The following ENOX2 variants were observed in gnomAD, a reference collection of about 807,000 sequenced individuals.
ENOX2 encodes the protein APK1 antigen.
A neutral mutation model predicts 45.0 loss-of-function variants in ENOX2; 36 were observed. That is an observed-to-expected ratio of 0.80 (90% CI 0.61 to 1.06). The LOEUF is 1.06. ENOX2 is among the 50% of genes least tolerant of loss of function. The probability of loss-of-function intolerance (pLI) is 0.00; values close to 1 mark genes in which losing one functional copy is unlikely to be tolerated. For synonymous variants in ENOX2, 174 were observed against 152.3 expected (o/e 1.14, Z -1.05); for missense variants, 423 against 462.5 (o/e 0.91, Z 0.78).
At chrX:130,714,349 C>T (rs914401568) in intron 3 of ENOX2, among the ~76,000 whole-genome samples, 1 of 111,866 alleles carries the variant, frequency 8.9e-6, no homozygotes, top group Non-Finnish European at 1.9e-5. Context: ...TGTCAAAGTA[C>T]GTTCCAACCA....
At chrX:130,896,583 G>C (rs1362399119) in intron 2 of ENOX2, among the ~76,000 whole-genome samples, 2 of 111,827 alleles carry the variant, frequency 1.8e-5, no homozygotes, top group African/African-American at 6.5e-5. Flanking sequence ...GTGCCTAACG[G>C]AGTGCTTTCA....
chrX:130,855,533 C>T (rs1348955203), intron 2 of ENOX2, among the ~76,000 whole-genome samples: 1 of 111,252 alleles, frequency 9.0e-6, no homozygotes. Flanking sequence ...TGGTTAAATG[C>T]AATATCCATC....
At chrX:130,702,970 C>T in intron 4 of ENOX2, 150 bp downstream of exon 4, 1 of 554,218 alleles carries the variant, frequency 1.8e-6, no homozygotes, top group Admixed American at 4.0e-5. Flanking sequence ...CTACTGGCCA[C>T]CCAGACTATA....
At position 130,847,204 on chromosome X, in the gene ENOX2, C is replaced by T. The variant is rs150458021; in HGVS notation, c.-183+54480G>A. ...TTTTTTTTTTTACACTATATTTAAG[C>T]ATTGGTCAGATATACTTAAGACCTA... On this transcript the variant is annotated intron_variant, in intron 2 of 14. Coordinates refer to ENST00000394363, the MANE Select transcript of ENOX2 (RefSeq NM_006375.4). 9.2e-3 allele frequency among the ~76,000 whole-genome samples: 1,005 copies of T among 109,344 alleles called. 12 individuals carry two copies. The highest frequency in any genetic ancestry group is 0.031 in the African/African-American group (946 of 30,074). The allele number at this position is 109,344 out of a possible 115,157, so 95.0% of individuals were successfully genotyped here.
At chrX:130,790,380 C>A (rs2077025603) in intron 2 of ENOX2, among the ~76,000 whole-genome samples, 1 of 112,091 alleles carries the variant, frequency 8.9e-6, no homozygotes. Flanking sequence ...TAAAGTCTCT[C>A]ATAAAAAGGC....
Position 130,703,243 on chromosome X carries a change from T to C in ENOX2, c.-27A>G, listed in dbSNP as rs757143122. On this transcript the variant is annotated 5_prime_UTR_variant, in exon 4 of 15. Transcript: ENST00000394363. Reference sequence around the variant, plus strand: ...GCAGTGGAATCCACGTTCAGAGTTCTACTGTTATCGGCTGAAAAGAAATGA... The same window carrying C: ...GCAGTGGAATCCACGTTCAGAGTTCCACTGTTATCGGCTGAAAAGAAATGA... 13 of 1,194,042 alleles carry C rather than the reference T, an allele frequency of 1.1e-5. No individual in the cohort carries two copies. The highest frequency in any genetic ancestry group is 1.5e-5 in the Non-Finnish European group (13 of 887,464).
chrX:130,715,724 T>C (rs1017700743), intron 3 of ENOX2, among the ~76,000 whole-genome samples: 2 of 111,583 alleles, frequency 1.8e-5, no homozygotes, highest in African/African-American at 6.5e-5. Context: ...ATCATAATCT[T>C]TGGATTAGAT....
At chrX:130,626,259 C>G (rs990764315) in intron 14 of ENOX2, among the ~76,000 whole-genome samples, 4 of 112,299 alleles carry the variant, frequency 3.6e-5, no homozygotes, top group Non-Finnish European at 7.5e-5. Context: ...GTTATGCCTT[C>G]TTCCCAGTGC....
chrX:130,632,428 A>C, intron 12 of ENOX2, among the ~76,000 whole-genome samples: 1 of 106,665 alleles, frequency 9.4e-6, no homozygotes, highest in African/African-American at 3.4e-5. Context: ...CAAACTGAAA[A>C]ATACCTCCAG....
At chrX:130,804,363 T>C (rs2148436172) in intron 2 of ENOX2, among the ~76,000 whole-genome samples, 1 of 112,121 alleles carries the variant, frequency 8.9e-6, no homozygotes, top group African/African-American at 3.2e-5. Context: ...CAAGAAGTGA[T>C]GTCTAAACTT....
intron 2 of ENOX2, among the ~76,000 whole-genome samples, chrX:130,823,920 C>A (rs939646192): frequency 8.9e-6 from 1 of 112,207 alleles, no homozygotes; most frequent in African/African-American, 3.2e-5. Flanking sequence ...CTTAAAAAAT[C>A]TGCATGATCT....
intron 2 of ENOX2, among the ~76,000 whole-genome samples, chrX:130,859,366 CA>C (rs368105953): frequency 1.8e-5 from 2 of 110,985 alleles, no homozygotes; most frequent in African/African-American, 6.5e-5. Flanking sequence ...AACAAAAAAA[CA>C]AAAAAAATCC....
chrX:130,729,617 A>G (rs1333929107), intron 3 of ENOX2, among the ~76,000 whole-genome samples: 1 of 112,093 alleles, frequency 8.9e-6, no homozygotes, highest in Non-Finnish European at 1.9e-5. Context: ...TAATATGGAA[A>G]CGTAAATTTC....
In ENOX2 at chrX:130,764,433, A is replaced by T. The variant is rs1409308661; in HGVS notation, c.-39+19114T>A. Among the ~76,000 whole-genome samples the T allele has an allele frequency of 2.7e-5, 3 of 110,793 alleles. No individual in the cohort carries two copies. The Admixed American group carries it at 2.9e-4, about 11-fold the overall frequency. The stretch of plus-strand genomic sequence containing the variant: ...CACAAAAGAACACTGAGATCCGATA[A>T]CCACCTCCAAGTCATTTTTTCTCCA... On this transcript the variant is annotated intron_variant, in intron 3 of 14. Transcript: ENST00000394363.
At chrX:130,773,327 T>A (rs1454281702) in intron 3 of ENOX2, among the ~76,000 whole-genome samples, 2 of 111,960 alleles carry the variant, frequency 1.8e-5, no homozygotes, top group African/African-American at 6.5e-5. Context: ...CACGTGCTCT[T>A]AACAACTGTT....
intron 2 of ENOX2, among the ~76,000 whole-genome samples, chrX:130,846,415 G>A (rs1045517447): frequency 1.4e-4 from 15 of 107,598 alleles, no homozygotes; most frequent in Non-Finnish European, 2.3e-4. Flanking sequence ...TCGGCTCACC[G>A]CAACCTCTGC....
In ENOX2 at chrX:130,895,603, T is replaced by C. The variant is rs1489368711; in HGVS notation, c.-183+6081A>G. Among the ~76,000 whole-genome samples the C allele has an allele frequency of 2.7e-5, 3 of 112,500 alleles. 1 individual carries two copies. The highest frequency in any genetic ancestry group is 5.6e-5 in the Non-Finnish European group (3 of 53,306). ...ACCGAGGCATTTGGACCAGCTTTGT[T>C]AAAGTGTGGTCACTGAAAGCTCTTT... On this transcript the variant is annotated intron_variant, in intron 2 of 14. Coordinates refer to ENST00000394363, the MANE Select transcript of ENOX2 (RefSeq NM_006375.4).
intron 2 of ENOX2, among the ~76,000 whole-genome samples, chrX:130,832,064 T>C (rs2077841689): frequency 9.1e-6 from 1 of 109,761 alleles, no homozygotes; most frequent in Admixed American, 9.7e-5. Flanking sequence ...GTGATCTCTG[T>C]CTGAATTAAA....
At chrX:130,873,552 C>T (rs969282301) in intron 2 of ENOX2, among the ~76,000 whole-genome samples, 2 of 111,424 alleles carry the variant, frequency 1.8e-5, no homozygotes, top group Admixed American at 9.5e-5. Context: ...GGGTATATAC[C>T]CAAAGGATTA....
Sources: gnomAD v4.1 joint callset for allele counts (sites outside exome capture counted in the v4.1 genomes callset) on GRCh38, gnomAD v4.1.1 for gene constraint, MANE v1.5 for transcripts, NCBI Gene and HGNC (gene_info 2026-07-23, HGNC 2026-07-21) for gene names.